F2: variants seen among roughly 807,000 people sequenced by gnomAD.
F2 encodes the protein coagulation factor II, thrombin.
A neutral mutation model predicts 81.9 loss-of-function variants in F2; 34 were observed. That is an observed-to-expected ratio of 0.42 (90% CI 0.32 to 0.55). The LOEUF is 0.55. F2 is among the 20% of genes least tolerant of loss of function. The pLI, the probability that F2 is intolerant of heterozygous loss-of-function variation, is 0.18. For missense variants in F2, 630 were observed against 833.4 expected, an observed-to-expected ratio of 0.76 and a Z score of 3.00; for synonymous variants, 296 against 326.4, an observed-to-expected ratio of 0.91 and a Z score of 1.01.
At chr11:46,720,343 CT>C (rs1344407524) in intron 2 of F2, among the ~76,000 whole-genome samples, 179 bp from the exon 3 acceptor site, 1 of 152,218 alleles carries the variant, frequency 6.6e-6, no homozygotes, top group Non-Finnish European at 1.5e-5. Context: ...AGGAACTCCC[CT>C]ATCCTCAAAT....
intron 12 of F2, among the ~76,000 whole-genome samples, chr11:46,736,662 C>T (rs1016067956): frequency 2.0e-5 from 3 of 152,160 alleles, no homozygotes; most frequent in South Asian, 2.1e-4. Context: ...ATGTTCGACT[C>T]GGCTTTCCTG....
intron 12 of F2, among the ~76,000 whole-genome samples, chr11:46,733,082 C>G (rs1195188483): frequency 6.6e-6 from 1 of 152,148 alleles, no homozygotes; most frequent in African/African-American, 2.4e-5. Flanking sequence ...CTACTGAAAC[C>G]TCCAATTCCA....
chr11:46,728,538 C>G lies in F2; in HGVS notation c.1299-126C>G. ...ACCCAGGGGGCTGCCATGGCAGGAACCAGCCCTATCCCCTCCCTGGTGGCC... is the reference window on the plus strand; with the variant it reads ...ACCCAGGGGGCTGCCATGGCAGGAAGCAGCCCTATCCCCTCCCTGGTGGCC... On this transcript the variant is annotated intron_variant, in intron 10 of 13. Transcript: ENST00000311907. The surrounding 1 kb of genome is among the most constrained non-coding windows in gnomAD (Gnocchi z 5.1). 9.1e-7 allele frequency: 1 copy of G among 1,096,758 alleles called. No individual in the cohort carries two copies. The highest frequency in any genetic ancestry group is 2.4e-5 in the East Asian group (1 of 40,836). The allele number at this position is 1,096,758 out of a possible 1,614,324, so 67.9% of individuals were successfully genotyped here.
Position 46,719,837 on chromosome 11 carries a change from A to G in F2, c.215A>G (p.Glu72Gly). ...EETCSYEEAF[E>G]ALESSTATDV... ...ACGTGCAGCTACGAGGAGGCCTTCG[A>G]GGCTCTGGAGTCCTCCACGGCTACG... The change falls in exon 2 of 14, where the codon GAG (glutamate) becomes GGG (glycine). Residue 72 changes from glutamate (E) to glycine (G), a missense_variant. Physicochemically the swap from Glu to Gly is moderately conservative, Grantham distance 98 (BLOSUM62 -2). Coordinates refer to ENST00000311907, the MANE Select transcript of F2 (RefSeq NM_000506.5). This position sits in a 1 kb window ranked among gnomAD's most constrained non-coding sequence, Gnocchi z 4.7. 6.3e-7 allele frequency: 1 copy of G among 1,578,698 alleles called. No homozygotes were observed. Among genetic ancestry groups the G allele is most frequent in the Non-Finnish European group, 8.6e-7 (1 of 1,163,186 alleles).
At chr11:46,734,222 C>T (rs563749252) in intron 12 of F2, among the ~76,000 whole-genome samples, 7 of 152,162 alleles carry the variant, frequency 4.6e-5, no homozygotes, top group Admixed American at 3.3e-4. Context: ...CTCAGCCTCC[C>T]GAGTAGCTGG....
Position 46,728,551 on chromosome 11 carries a change from C to T in F2, c.1299-113C>T. 1 of 1,234,730 alleles carries T rather than the reference C, an allele frequency of 8.1e-7. No homozygotes were observed. The allele number at this position is 1,234,730 out of a possible 1,614,324, so 76.5% of individuals were successfully genotyped here. On this transcript the variant is annotated intron_variant, in intron 10 of 13. Coordinates refer to ENST00000311907, the MANE Select transcript of F2 (RefSeq NM_000506.5). This position sits in a 1 kb window ranked among gnomAD's most constrained non-coding sequence, Gnocchi z 5.1. ...CCATGGCAGGAACCAGCCCTATCCC[C>T]TCCCTGGTGGCCTGCAGGACACACT...
intron 12 of F2, among the ~76,000 whole-genome samples, chr11:46,731,339 T>G (rs554993727): frequency 6.7e-6 from 1 of 149,606 alleles, no homozygotes; most frequent in East Asian, 2.0e-4. Context: ...CCCGGCTAAC[T>G]TTTTGTATTT....
chr11:46,719,321 G>T lies in F2; in HGVS notation c.79+7G>T. On this transcript the variant is annotated splice_region_variant and intron_variant, in intron 1 of 13. Coordinates refer to ENST00000311907, the MANE Select transcript of F2 (RefSeq NM_000506.5). This position sits in a 1 kb window ranked among gnomAD's most constrained non-coding sequence, Gnocchi z 4.7. ...CTTGTGCACAGCCAGCATGGTAAGGGAGTGCTTGCAGGCTGGAACAGGCTG... is the reference window on the plus strand; with the variant it reads ...CTTGTGCACAGCCAGCATGGTAAGGTAGTGCTTGCAGGCTGGAACAGGCTG... 1 of 1,611,492 alleles carries T rather than the reference G, an allele frequency of 6.2e-7. No homozygotes were observed. The highest frequency in any genetic ancestry group is 1.7e-5 in the Admixed American group (1 of 59,818).
intron 12 of F2, among the ~76,000 whole-genome samples, chr11:46,731,061 C>T (rs1342970597): frequency 2.0e-5 from 3 of 151,966 alleles, no homozygotes; most frequent in African/African-American, 7.3e-5. Flanking sequence ...GAATCACAGG[C>T]ATGTACTACC....
chr11:46,721,076 G>A (rs1420755940), intron 4 of F2, among the ~76,000 whole-genome samples: 1 of 151,926 alleles, frequency 6.6e-6, no homozygotes, highest in East Asian at 1.9e-4. Context: ...ACAGAGTCTC[G>A]CTCTGTTGCC....
At position 46,726,479 on chromosome 11, in the gene F2, G is replaced by A. The variant is rs3136463; in HGVS notation, c.875-19G>A. 3.8e-4 allele frequency: 614 copies of A among 1,611,048 alleles called. 2 individuals carry two copies. The African/African-American group carries it at 7.2e-3, about 19-fold the overall frequency. ...GGAATGGCCCAGCCCAGTCCCAGCC[G>A]GTGCCTGGGTCCCAACAGAGGAGGC... On this transcript the variant is annotated intron_variant, in intron 7 of 13. Transcript: ENST00000311907. This position sits in a 1 kb window ranked among gnomAD's most constrained non-coding sequence, Gnocchi z 5.9.
rs1425577036 is a variant in F2, at chr11:46,739,339, T to C, written c.1800T>C (p.Tyr600=). The stretch of plus-strand genomic sequence containing the variant: ...AAGGCTGTGACCGGGATGGGAAATA[T>C]GGCTTCTACACACATGTGTTCCGCC... ...WGEGCDRDGK[Y]GFYTHVFRLK... is the part of the protein sequence containing the mutation. Residue 600 remains tyrosine (Y), a synonymous_variant, in exon 14 of 14, where the codon TAT becomes TAC. Coordinates refer to ENST00000311907, the MANE Select transcript of F2 (RefSeq NM_000506.5). 2 of 1,614,022 alleles carry C rather than the reference T, an allele frequency of 1.2e-6. No homozygotes were observed. Among genetic ancestry groups the C allele is most frequent in the African/African-American group, 1.3e-5 (1 of 74,916 alleles).
chr11:46,738,824 G>GT (rs1410727034), intron 12 of F2, among the ~76,000 whole-genome samples: 1 of 152,210 alleles, frequency 6.6e-6, no homozygotes, highest in Non-Finnish European at 1.5e-5. Context: ...GAAACTAGTG[G>GT]GTTCAGGAGC....
At chr11:46,735,142 T>A (rs2064936288) in intron 12 of F2, among the ~76,000 whole-genome samples, 1 of 152,114 alleles carries the variant, frequency 6.6e-6, no homozygotes, top group Non-Finnish European at 1.5e-5. Flanking sequence ...CAAGACCCTG[T>A]CTCTACAAGA....
In F2 at chr11:46,719,910, A is replaced by C; in HGVS notation, c.240+48A>C. 1 of 1,542,122 alleles carries C rather than the reference A, an allele frequency of 6.5e-7. No individual in the cohort carries two copies. On this transcript the variant is annotated intron_variant, in intron 2 of 13. Transcript: ENST00000311907. The surrounding 1 kb of genome is among the most constrained non-coding windows in gnomAD (Gnocchi z 4.7). ...GTGCCGGGGCCTCAGACCGGGCCCA[A>C]CTCTAGACACTTCCACAGAGAAGCA...
rs1378824398 is a variant in F2 at position 46,723,076 on chromosome 11, A to G, written c.317-104A>G. ...GGGGCTGGGTGAATGCAGGTTCAGG[A>G]TTGTGGACCTGCATGAGCTGGGAGG... On this transcript the variant is annotated intron_variant, in intron 4 of 13. Transcript: ENST00000311907. The surrounding 1 kb of genome is among the most constrained non-coding windows in gnomAD (Gnocchi z 5.6). 1.1e-6 allele frequency: 1 copy of G among 947,076 alleles called. No individual in the cohort carries two copies. The highest frequency in any genetic ancestry group is 2.1e-4 in the Middle Eastern group (1 of 4,764). The allele number at this position is 947,076 out of a possible 1,614,324, so 58.7% of individuals were successfully genotyped here.
At chr11:46,737,646 G>A (rs549130809) in intron 12 of F2, among the ~76,000 whole-genome samples, 10 of 151,266 alleles carry the variant, frequency 6.6e-5, no homozygotes, top group South Asian at 2.1e-4. Flanking sequence ...CACCGCGTTC[G>A]CCAGGATGGT....
In F2 at chr11:46,725,988, A is replaced by G; in HGVS notation, c.689A>G (p.His230Arg). The stretch of plus-strand genomic sequence containing the variant: ...CAGGGGCGCCTGGCGGTGACCACAC[A>G]TGGGCTCCCCTGCCTGGCCTGGGCC... Reference protein sequence around the residue: ...QYQGRLAVTTHGLPCLAWASA... With the variant: ...QYQGRLAVTTRGLPCLAWASA... Residue 230 changes from histidine to arginine, a missense_variant, in exon 7 of 14, where the codon CAT (histidine) becomes CGT (arginine). Transcript: ENST00000311907. The G allele has an allele frequency of 1.9e-6, 3 of 1,613,938 alleles. No individual in the cohort carries two copies. The highest frequency in any genetic ancestry group is 2.5e-6 in the Non-Finnish European group (3 of 1,179,986).
chr11:46,720,840 G>C lies in F2; in HGVS notation c.316G>C (p.Gly106Arg). 1 of 1,613,974 alleles carries C rather than the reference G, an allele frequency of 6.2e-7. No individual in the cohort carries two copies. The highest frequency in any genetic ancestry group is 8.5e-7 in the Non-Finnish European group (1 of 1,180,026). The change falls in exon 4 of 14, where the codon GGT (glycine) becomes CGT (arginine). Residue 106 changes from glycine (G) to arginine (R), a missense_variant and splice_region_variant. Transcript: ENST00000311907. ...AGATAAGCTTGCTGCATGTCTGGAAGGTGAGCAACTGACACGGGTTTGGGG... is the reference window on the plus strand; with the variant it reads ...AGATAAGCTTGCTGCATGTCTGGAACGTGAGCAACTGACACGGGTTTGGGG... ...PRDKLAACLE[G>R]NCAEGLGTNY...
Sources: allele counts gnomAD v4.1 joint callset (sites outside exome capture counted in the v4.1 genomes callset), GRCh38; gene constraint gnomAD v4.1.1; non-coding constraint Gnocchi (gnomAD v3.1); transcripts MANE v1.5; gene names NCBI Gene and HGNC (gene_info 2026-07-23, HGNC 2026-07-21).